USP34: variants seen among roughly 807,000 people sequenced by gnomAD.
USP34 encodes the protein ubiquitin carboxyl-terminal hydrolase 34.
A neutral mutation model predicts 460.3 loss-of-function variants in USP34; 70 were observed. That is an observed-to-expected ratio of 0.15 (90% CI 0.13 to 0.19). USP34 has a LOEUF of 0.19. Among genes scored for constraint, USP34 ranks in the 10% least tolerant of loss-of-function variants. USP34 has a pLI of 1.00. For missense variants in USP34, 3,985 were observed against 4,236.2 expected, an observed-to-expected ratio of 0.94 and a Z score of 1.65; for synonymous variants, 1,647 against 1,405.3, an observed-to-expected ratio of 1.17 and a Z score of -3.85.
intron 48 of USP34, among the ~76,000 whole-genome samples, chr2:61,249,568 A>G (rs1244222783): frequency 6.6e-6 from 1 of 152,204 alleles, no homozygotes; most frequent in Admixed American, 6.5e-5. Flanking sequence ...TCTAAATCAC[A>G]TTCTTATTAA....
chr2:61,220,223 G>C (rs1687521671), intron 67 of USP34, 87 bp downstream of exon 67: 1 of 1,083,256 alleles, frequency 9.2e-7, no homozygotes, highest in East Asian at 2.9e-5. Context: ...TACAACAATG[G>C]GCATGTCGTA....
intron 27 of USP34, among the ~76,000 whole-genome samples, chr2:61,310,410 A>G (rs1378145740): frequency 1.3e-5 from 2 of 152,102 alleles, no homozygotes; most frequent in African/African-American, 4.8e-5. Flanking sequence ...CAGATCTCAA[A>G]AAGAATGAGG....
At chr2:61,385,544 C>A (rs1040983321) in intron 5 of USP34, among the ~76,000 whole-genome samples, 2 of 151,496 alleles carry the variant, frequency 1.3e-5, no homozygotes, top group East Asian at 3.9e-4. Flanking sequence ...TGGTGGCGGG[C>A]GCCTGTAGTC....
At chr2:61,402,673 C>G (rs564763031) in intron 3 of USP34, among the ~76,000 whole-genome samples, 1 of 151,986 alleles carries the variant, frequency 6.6e-6, no homozygotes, top group Non-Finnish European at 1.5e-5. Flanking sequence ...CTAAGTTGTG[C>G]CTCTTTAAAA....
chr2:61,396,022 A>T (rs1457507194), intron 3 of USP34, among the ~76,000 whole-genome samples: 1 of 150,500 alleles, frequency 6.6e-6, no homozygotes, highest in African/African-American at 2.4e-5. Context: ...ACGCCATTAC[A>T]CTCCATCCTG....
At chr2:61,211,735 G>A (rs1379366137) in intron 69 of USP34, 37 bp downstream of exon 69, 2 of 1,522,122 alleles carry the variant, frequency 1.3e-6, no homozygotes, top group Non-Finnish European at 8.7e-7. Flanking sequence ...TCATCTCACT[G>A]GAAATAAACA....
intron 61 of USP34, among the ~76,000 whole-genome samples, chr2:61,228,247 C>G (rs1687787681): frequency 6.6e-6 from 1 of 152,206 alleles, no homozygotes; most frequent in Admixed American, 6.5e-5. Context: ...CAACACAAAA[C>G]TGATGTAATA....
chr2:61,460,544 G>GA (rs1019448741), intron 1 of USP34, among the ~76,000 whole-genome samples: 5 of 151,630 alleles, frequency 3.3e-5, no homozygotes, highest in East Asian at 1.9e-4. Context: ...AAAATAATGA[G>GA]AAAAAAAACA....
chr2:61,230,681 A>G (rs1473282642), intron 58 of USP34, among the ~76,000 whole-genome samples: 1 of 152,062 alleles, frequency 6.6e-6, no homozygotes, highest in Non-Finnish European at 1.5e-5. Flanking sequence ...CGTCTCTACT[A>G]AAAATACAAA....
At chr2:61,201,339 T>A (rs71420395) in intron 75 of USP34, among the ~76,000 whole-genome samples, 11,981 of 150,634 alleles carry the variant, frequency 0.08, 604 homozygotes, top group Middle Eastern at 0.15. Context: ...CCTCTCAGTC[T>A]CCCAAGTAGC....
chr2:61,277,333 C>G (rs964609899), intron 41 of USP34, among the ~76,000 whole-genome samples: 1 of 151,240 alleles, frequency 6.6e-6, no homozygotes, highest in Non-Finnish European at 1.5e-5. Flanking sequence ...ACCTCCTGAG[C>G]TCAAGCAATC....
chr2:61,460,372 G>A (rs1298632455), intron 1 of USP34, among the ~76,000 whole-genome samples: 1 of 152,126 alleles, frequency 6.6e-6, no homozygotes, highest in Non-Finnish European at 1.5e-5. Context: ...AAGTCACTAA[G>A]TAGCTGTCCT....
intron 19 of USP34, among the ~76,000 whole-genome samples, chr2:61,333,063 T>C (rs1263627547): frequency 6.6e-6 from 1 of 152,058 alleles, no homozygotes; most frequent in African/African-American, 2.4e-5. Flanking sequence ...AAAATTCAAA[T>C]GTCTCCGAAA....
intron 27 of USP34, among the ~76,000 whole-genome samples, chr2:61,306,232 G>C (rs1358548640): frequency 1.3e-5 from 2 of 152,276 alleles, no homozygotes; most frequent in African/African-American, 4.8e-5. Context: ...AATCCATCTT[G>C]AATTATTTTT....
intron 1 of USP34, among the ~76,000 whole-genome samples, chr2:61,450,417 T>G (rs563702926): frequency 6.6e-6 from 1 of 152,148 alleles, no homozygotes; most frequent in Admixed American, 6.6e-5. Flanking sequence ...GTGAATTTAT[T>G]AGATTGGTAC....
intron 75 of USP34, among the ~76,000 whole-genome samples, chr2:61,196,340 T>C (rs1368880723): frequency 3.3e-5 from 5 of 151,504 alleles, no homozygotes; most frequent in Admixed American, 3.3e-4. Flanking sequence ...TCCACCCACC[T>C]TGACCTCCCA....
At chr2:61,244,670 CT>C (rs1452230266) in intron 51 of USP34, among the ~76,000 whole-genome samples, 1 of 151,794 alleles carries the variant, frequency 6.6e-6, no homozygotes, top group African/African-American at 2.4e-5. Context: ...AGAAGATGTC[CT>C]TTTTCTATCC....
intron 27 of USP34, among the ~76,000 whole-genome samples, chr2:61,303,327 A>G (rs528583019): frequency 6.6e-6 from 1 of 152,100 alleles, no homozygotes; most frequent in Non-Finnish European, 1.5e-5. Context: ...CGGCCCCCCA[A>G]AGTGCTGGGA....
intron 1 of USP34, among the ~76,000 whole-genome samples, chr2:61,427,177 G>A (rs999860701): frequency 1.3e-5 from 2 of 152,104 alleles, no homozygotes; most frequent in African/African-American, 4.8e-5. Context: ...ACAGGTGCCC[G>A]CCACCACGCC....
Sources: gnomAD v4.1 joint callset for allele counts (sites outside exome capture counted in the v4.1 genomes callset) on GRCh38, gnomAD v4.1.1 for gene constraint, MANE v1.5 for transcripts, NCBI Gene and HGNC (gene_info 2026-07-23, HGNC 2026-07-21) for gene names.